NRXN3: variants seen among roughly 807,000 people sequenced by gnomAD.
NRXN3 encodes neurexin 3.
NRXN3 carries 32 observed loss-of-function variants against 137.6 expected under a neutral mutation model. That is an observed-to-expected ratio of 0.23 (90% CI 0.18 to 0.31). The LOEUF (loss-of-function observed/expected upper bound fraction) is 0.31, where lower values mean the gene tolerates loss of function less well. Ranked by LOEUF, NRXN3 falls within the 10% of genes least tolerant of loss-of-function variation. The pLI is 1.00. For missense variants in NRXN3, 1,574 were observed against 2,062.5 expected (o/e 0.76, Z 4.59); for synonymous variants, 798 against 784.5 (o/e 1.02, Z -0.29).
At chr14:78,565,066 G>A (rs1566761554) in intron 4 of NRXN3, among the ~76,000 whole-genome samples, 1 of 152,156 alleles carries the variant, frequency 6.6e-6, no homozygotes, top group Admixed American at 6.5e-5. Flanking sequence ...TACATTATAA[G>A]CACCTGATAG....
At chr14:79,165,128 T>C (rs2061166799) in intron 15 of NRXN3, among the ~76,000 whole-genome samples, 1 of 152,014 alleles carries the variant, frequency 6.6e-6, no homozygotes, top group Admixed American at 6.6e-5. Flanking sequence ...CAAATGGTTA[T>C]TGCCTAGTAA....
rs1596509004 is a variant in NRXN3, at chr14:78,853,356, T to C, written c.2275+43012T>C. On this transcript the variant is annotated intron_variant, in intron 10 of 20. Transcript: ENST00000335750. ...CCTTGTGATAGTTTACTGAGAATGA[T>C]ATCATACATTCTTTATTCATTCATC... Among the ~76,000 whole-genome samples the C allele has an allele frequency of 3.9e-5, 6 of 152,298 alleles. No individual in the cohort carries two copies. In the South Asian group the frequency reaches 1.2e-3, roughly 32 times the overall value.
intron 8 of NRXN3, among the ~76,000 whole-genome samples, chr14:78,778,804 CT>C (rs1202629524): frequency 9.6e-6 from 1 of 104,450 alleles, no homozygotes. Context: ...TTCTTTCTTT[CT>C]TTCTTTCTTT....
chr14:79,664,193 G>A (rs1269942953), intron 17 of NRXN3, among the ~76,000 whole-genome samples: 1 of 152,108 alleles, frequency 6.6e-6, no homozygotes, highest in Admixed American at 6.5e-5. Flanking sequence ...CAGCCTGACT[G>A]GCTCATACCA....
intron 15 of NRXN3, among the ~76,000 whole-genome samples, chr14:79,040,720 A>G (rs938851832): frequency 1.3e-5 from 2 of 152,154 alleles, no homozygotes; most frequent in African/African-American, 4.8e-5. Flanking sequence ...AGTTGAATGC[A>G]AAAGAAACTG....
chr14:78,812,716 G>A (rs1320710396), intron 10 of NRXN3, among the ~76,000 whole-genome samples: 1 of 152,112 alleles, frequency 6.6e-6, no homozygotes, highest in African/African-American at 2.4e-5. Flanking sequence ...TGTCAGCAAA[G>A]TTATATTCCC....
intron 15 of NRXN3, among the ~76,000 whole-genome samples, chr14:79,305,825 A>G (rs1467885235): frequency 6.6e-6 from 1 of 152,030 alleles, no homozygotes; most frequent in Non-Finnish European, 1.5e-5. Flanking sequence ...AGTGAGGCAA[A>G]CTTACATTGG....
chr14:79,308,440 C>T (rs1340157731), intron 15 of NRXN3, among the ~76,000 whole-genome samples: 2 of 152,142 alleles, frequency 1.3e-5, no homozygotes, highest in Non-Finnish European at 2.9e-5. Flanking sequence ...GAGAGTTAGA[C>T]TGGTCCTCCA....
intron 10 of NRXN3, among the ~76,000 whole-genome samples, chr14:78,931,740 A>G (rs1189923814): frequency 2.6e-5 from 4 of 152,202 alleles, no homozygotes; most frequent in Admixed American, 1.3e-4. Context: ...GGGTTGAGTT[A>G]CAGTGCCAAA....
chr14:78,217,674 T>C (rs1050533895), intron 1 of NRXN3, among the ~76,000 whole-genome samples: 1 of 152,264 alleles, frequency 6.6e-6, no homozygotes, highest in African/African-American at 2.4e-5. Context: ...ATTTCTTTTT[T>C]AGTTTGAGAT....
chr14:79,274,279 A>G (rs2079913020), intron 15 of NRXN3, among the ~76,000 whole-genome samples: 1 of 152,064 alleles, frequency 6.6e-6, no homozygotes, highest in African/African-American at 2.4e-5. Context: ...CTTCAAGACC[A>G]TTTGCAGTGG....
chr14:78,894,087 G>T (rs1460059809), intron 10 of NRXN3, among the ~76,000 whole-genome samples: 1 of 151,892 alleles, frequency 6.6e-6, no homozygotes, highest in Admixed American at 6.6e-5. Context: ...TCAGGGTAGT[G>T]GTTGCTGAAG....
chr14:79,560,195 T>G (rs2097477630), intron 16 of NRXN3, among the ~76,000 whole-genome samples: 1 of 152,150 alleles, frequency 6.6e-6, no homozygotes, highest in African/African-American at 2.4e-5. Flanking sequence ...CCTTTTCATG[T>G]GAAAATTCTG....
At chr14:79,509,841 T>C (rs1223449936) in intron 16 of NRXN3, among the ~76,000 whole-genome samples, 1 of 152,164 alleles carries the variant, frequency 6.6e-6, no homozygotes. Context: ...AGGACACATA[T>C]TGAGTTTCTC....
chr14:79,157,240 T>A (rs1422411366), intron 15 of NRXN3, among the ~76,000 whole-genome samples: 2 of 151,782 alleles, frequency 1.3e-5, no homozygotes, highest in African/African-American at 2.4e-5. Flanking sequence ...GATTGCATAT[T>A]GACATATATC....
At chr14:78,522,869 T>C (rs1599840526) in intron 4 of NRXN3, among the ~76,000 whole-genome samples, 1 of 152,192 alleles carries the variant, frequency 6.6e-6, no homozygotes, top group Non-Finnish European at 1.5e-5. Context: ...AGAGCTTGTC[T>C]GAACTATGGA....
intron 4 of NRXN3, among the ~76,000 whole-genome samples, chr14:78,608,349 A>G (rs1351195690): frequency 2.0e-5 from 3 of 152,322 alleles, no homozygotes; most frequent in South Asian, 2.1e-4. Context: ...CAAAAGAGAG[A>G]CATGCTACCA....
Position 79,280,941 on chromosome 14 carries a change from A to C in NRXN3, c.3263-186280A>C, listed in dbSNP as rs532353472. 1.5e-3 allele frequency: 269 copies of C among 178,784 alleles called. 1 individual carries two copies. The highest frequency in any genetic ancestry group is 5.8e-3 in the African/African-American group (247 of 42,348). 11.1% of individuals were successfully genotyped at this position (178,784 alleles called of 1,614,324 possible). A position where few individuals can be genotyped will look rare whatever the true frequency, so the allele number is the denominator to read the frequency against. The stretch of plus-strand genomic sequence containing the variant: ...CTTCTTTGCTGTGGTCTTGCTTGGG[A>C]GCTAGTGGGGGTGGGGTGGGAATAG... On this transcript the variant is annotated intron_variant, in intron 15 of 20. Transcript: ENST00000335750.
intron 16 of NRXN3, among the ~76,000 whole-genome samples, chr14:79,540,976 C>A (rs2097266605): frequency 6.6e-6 from 1 of 152,220 alleles, no homozygotes; most frequent in East Asian, 1.9e-4. Flanking sequence ...CTGGTTCCTT[C>A]TGGAGGTTCT....
Sources: gnomAD v4.1 joint callset for allele counts (sites outside exome capture counted in the v4.1 genomes callset) on GRCh38, gnomAD v4.1.1 for gene constraint, MANE v1.5 for transcripts, NCBI Gene and HGNC (gene_info 2026-07-23, HGNC 2026-07-21) for gene names.